CNNM2: variants seen among roughly 807,000 people sequenced by gnomAD.
CNNM2 encodes metal transporter CNNM2.
A neutral mutation model predicts 66.9 loss-of-function variants in CNNM2; 12 were observed. That is an observed-to-expected ratio of 0.18 (90% CI 0.11 to 0.29). The LOEUF (loss-of-function observed/expected upper bound fraction) is 0.29. CNNM2 is among the 10% of genes least tolerant of loss of function. The pLI, the probability that CNNM2 is intolerant of heterozygous loss-of-function variation, is 1.00. For missense variants in CNNM2, 705 were observed against 1,167.7 expected, an observed-to-expected ratio of 0.60 and a Z score of 5.77; for synonymous variants, 557 against 501.8, an observed-to-expected ratio of 1.11 and a Z score of -1.47.
chr10:102,980,299 A>C (rs1031828152), intron 1 of CNNM2, among the ~76,000 whole-genome samples: 1 of 149,672 alleles, frequency 6.7e-6, no homozygotes, highest in Non-Finnish European at 1.5e-5. Flanking sequence ...TTAAATTGCT[A>C]TCTATTTTAT....
chr10:103,060,380 G>A (rs1036089575), intron 4 of CNNM2, among the ~76,000 whole-genome samples: 1 of 152,132 alleles, frequency 6.6e-6, no homozygotes, highest in African/African-American at 2.4e-5. Flanking sequence ...TGGGCAATGT[G>A]GTGAAACCCT....
At chr10:103,070,277 G>A (rs1171092000) in intron 5 of CNNM2, among the ~76,000 whole-genome samples, 1 of 152,188 alleles carries the variant, frequency 6.6e-6, no homozygotes, top group Non-Finnish European at 1.5e-5. Flanking sequence ...GAGAAGACCT[G>A]GGTTATAGCT....
At chr10:102,955,680 A>G (rs1217098725) in intron 1 of CNNM2, among the ~76,000 whole-genome samples, 1 of 152,184 alleles carries the variant, frequency 6.6e-6, no homozygotes, top group Non-Finnish European at 1.5e-5. Flanking sequence ...ATTTACAAGA[A>G]AAAAACAAAC....
intron 4 of CNNM2, 22 bp downstream of exon 4, chr10:103,056,986 T>C: frequency 6.3e-7 from 1 of 1,598,378 alleles, no homozygotes; most frequent in Non-Finnish European, 8.5e-7. Flanking sequence ...TATTCAATAG[T>C]GGTTTGCTCT....
At position 103,084,858 on chromosome 10, in the gene CNNM2, G is replaced by T. The variant is rs936162057; in HGVS notation, c.*7678G>T. 7 of 152,124 alleles carry T rather than the reference G, an allele frequency of 4.6e-5. No individual in the cohort carries two copies. The highest frequency in any genetic ancestry group is 1.7e-4 in the African/African-American group (7 of 41,418). 9.4% of individuals were successfully genotyped at this position (152,124 alleles called of 1,614,324 possible). On this transcript the variant is annotated 3_prime_UTR_variant, in exon 8 of 8. Transcript: ENST00000369878. ...TTTTATAGCCTGGAGTTGATTTCTG[G>T]AAACTTATTTTATACTTTTTGAAGG...
At chr10:103,030,473 G>A (rs530656976) in intron 1 of CNNM2, among the ~76,000 whole-genome samples, 3 of 152,314 alleles carry the variant, frequency 2.0e-5, no homozygotes, top group Admixed American at 1.3e-4. Flanking sequence ...TCAGCACTTT[G>A]GGAGGCCGAG....
intron 1 of CNNM2, among the ~76,000 whole-genome samples, chr10:102,991,542 G>T (rs2063897632): frequency 6.6e-6 from 1 of 151,824 alleles, no homozygotes; most frequent in African/African-American, 2.4e-5. Context: ...TTCATATTTG[G>T]CTTGCTTAAC....
chr10:102,949,098 C>G (rs1295056228), intron 1 of CNNM2, among the ~76,000 whole-genome samples: 2 of 152,160 alleles, frequency 1.3e-5, no homozygotes, highest in African/African-American at 4.8e-5. Context: ...CAGTGTCCAG[C>G]TCTTGTGCAT....
At chr10:102,961,135 C>T (rs1300810243) in intron 1 of CNNM2, among the ~76,000 whole-genome samples, 1 of 152,104 alleles carries the variant, frequency 6.6e-6, no homozygotes, top group East Asian at 1.9e-4. Context: ...GCCTCAGCCT[C>T]CCAAAGTGCT....
At chr10:103,013,672 T>C (rs1387172559) in intron 1 of CNNM2, among the ~76,000 whole-genome samples, 1 of 152,190 alleles carries the variant, frequency 6.6e-6, no homozygotes, top group Non-Finnish European at 1.5e-5. Flanking sequence ...TAGGGAAAGT[T>C]TCCATCTGGA....
At chr10:102,954,126 CTT>C (rs35543663) in intron 1 of CNNM2, among the ~76,000 whole-genome samples, 47,498 of 132,604 alleles carry the variant, frequency 0.36, 7,637 homozygotes, top group East Asian at 0.47. Context: ...CTTTTCTTTT[CTT>C]TTTTTTTTTT....
intron 1 of CNNM2, among the ~76,000 whole-genome samples, chr10:103,047,324 G>T (rs1474455100): frequency 5.9e-5 from 9 of 152,138 alleles, no homozygotes; most frequent in Admixed American, 1.3e-4. Context: ...CAGGAGGCCT[G>T]ACCAGTACCC....
At chr10:102,967,344 G>T (rs143135581) in intron 1 of CNNM2, among the ~76,000 whole-genome samples, 143 of 152,252 alleles carry the variant, frequency 9.4e-4, no homozygotes, top group East Asian at 2.7e-3. Flanking sequence ...ATTTGTAAAA[G>T]TAAATTTATA....
At chr10:103,013,878 C>G (rs2064391991) in intron 1 of CNNM2, among the ~76,000 whole-genome samples, 2 of 152,294 alleles carry the variant, frequency 1.3e-5, no homozygotes, top group East Asian at 3.9e-4. Flanking sequence ...GGAGGGACAG[C>G]TCAAATTCTG....
rs1411358536 is a variant in CNNM2, at chr10:103,079,214, G to C, written c.*2034G>C. ...ATGCCTCTCACTGAGCACAACACCA[G>C]TGTGATGAGTGTATAAAGATGAGGG... On this transcript the variant is annotated 3_prime_UTR_variant, in exon 8 of 8. Coordinates refer to ENST00000369878, the MANE Select transcript of CNNM2 (RefSeq NM_017649.5). The C allele has an allele frequency of 6.6e-6, 1 of 152,246 alleles. No homozygotes were observed. The highest frequency in any genetic ancestry group is 1.5e-5 in the Non-Finnish European group (1 of 68,056). 9.4% of individuals were successfully genotyped at this position (152,246 alleles called of 1,614,324 possible).
intron 1 of CNNM2, among the ~76,000 whole-genome samples, chr10:102,997,255 G>A (rs939291477): frequency 1.3e-5 from 2 of 152,166 alleles, no homozygotes; most frequent in African/African-American, 2.4e-5. Flanking sequence ...TTAATAATGA[G>A]GAGGCCAGTT....
intron 6 of CNNM2, among the ~76,000 whole-genome samples, chr10:103,075,160 G>A (rs1406266452): frequency 3.9e-5 from 6 of 152,200 alleles, no homozygotes; most frequent in African/African-American, 7.2e-5. Context: ...CAGCTCCTCC[G>A]AGGGCAGCTG....
intron 1 of CNNM2, among the ~76,000 whole-genome samples, chr10:103,021,345 C>T (rs922442815): frequency 2.0e-5 from 3 of 152,114 alleles, no homozygotes; most frequent in Non-Finnish European, 2.9e-5. Context: ...AGAAATGCGG[C>T]GCATTCCTGA....
Position 103,076,142 on chromosome 10 carries a change from C to G in CNNM2, c.2290C>G (p.Arg764Gly). 2 of 1,610,592 alleles carry G rather than the reference C, an allele frequency of 1.2e-6. No homozygotes were observed. The highest frequency in any genetic ancestry group is 1.7e-6 in the Non-Finnish European group (2 of 1,178,560). Residue 764 changes from arginine to glycine, a missense_variant, in exon 7 of 8, where the codon CGA becomes GGA. This residue lies in a region of CNNM2 where 194 missense variants were observed against 227.6 expected (regional missense o/e 0.85). Transcript: ENST00000369878. ...CGLNHSDSLS[R>G]SDRIDAVTPT... ...CTTGAATCACTCAGACTCTCTCAGT[C>G]GAAGCGACCGGATTGACGCCGTCAC...
Sources: allele counts gnomAD v4.1 joint callset (sites outside exome capture counted in the v4.1 genomes callset), GRCh38; gene constraint gnomAD v4.1.1; regional missense constraint gnomAD v4.1.1; transcripts MANE v1.5; gene names NCBI Gene and HGNC (gene_info 2026-07-23, HGNC 2026-07-21).